Variants in EYS observed in about 807,000 individuals in gnomAD.
EYS encodes protein eyes shut homolog.
EYS carries 250 observed loss-of-function variants against 282.1 expected under a neutral mutation model. The ratio of observed to expected loss-of-function variants is 0.89; its 90% CI spans 0.80 to 0.98. The LOEUF is 0.98. EYS is among the 50% of genes least tolerant of loss of function. EYS has a pLI of 0.00. For missense variants in EYS, 4,016 were observed against 3,709.0 expected (o/e 1.08, Z -2.15); for synonymous variants, 1,355 against 1,282.9 (o/e 1.06, Z -1.20).
chr6:64,783,626 A>G (rs1467578581), intron 22 of EYS, among the ~76,000 whole-genome samples: 1 of 152,266 alleles, frequency 6.6e-6, no homozygotes, highest in Admixed American at 6.5e-5. Context: ...GTAAATAAAG[A>G]TGGAAATCAG....
rs79624820 is a variant in EYS at position 65,113,689 on chromosome 6, A to C, written c.2024-55962T>G. ...CTTATATTGTTGAATGAAAGAAACAAACGTGGCATCTTTTAGCTGTGTAGG... is the reference window on the plus strand; with the variant it reads ...CTTATATTGTTGAATGAAAGAAACACACGTGGCATCTTTTAGCTGTGTAGG... On this transcript the variant is annotated intron_variant, in intron 12 of 42. Transcript: ENST00000503581. Among the ~76,000 whole-genome samples, 86 of 144,798 alleles carry C rather than the reference A, an allele frequency of 5.9e-4. 1 individual carries two copies. Among genetic ancestry groups the C allele is most frequent in the African/African-American group, 2.3e-3 (84 of 37,266 alleles). 95.0% of individuals were successfully genotyped at this position (144,798 alleles called of 152,430 possible). A position where few individuals can be genotyped will look rare whatever the true frequency, so the allele number is the denominator to read the frequency against.
intron 24 of EYS, among the ~76,000 whole-genome samples, chr6:64,595,725 A>T (rs1227485712): frequency 1.3e-5 from 2 of 152,216 alleles, no homozygotes; most frequent in South Asian, 2.1e-4. Context: ...AATAAATTTA[A>T]CCAAGGAGGT....
chr6:64,323,254 A>G (rs528190700), intron 29 of EYS, among the ~76,000 whole-genome samples: 1 of 152,086 alleles, frequency 6.6e-6, no homozygotes, highest in East Asian at 1.9e-4. Flanking sequence ...ATCCTCATAG[A>G]TTTACCTATT....
At chr6:63,820,052 A>G (rs1771281868) in intron 36 of EYS, among the ~76,000 whole-genome samples, 1 of 152,202 alleles carries the variant, frequency 6.6e-6, no homozygotes, top group African/African-American at 2.4e-5. Flanking sequence ...CATCACAGCC[A>G]TTTCCACATA....
intron 31 of EYS, among the ~76,000 whole-genome samples, chr6:64,097,599 G>A (rs13205166): frequency 6.6e-6 from 1 of 152,154 alleles, no homozygotes; most frequent in Non-Finnish European, 1.5e-5. Context: ...AAGAGGGTTG[G>A]AAAAGCCCAG....
chr6:65,628,312 GA>G (rs1452921900), intron 2 of EYS, among the ~76,000 whole-genome samples: 3 of 152,152 alleles, frequency 2.0e-5, no homozygotes, highest in Non-Finnish European at 2.9e-5. Context: ...ATGGGGATGT[GA>G]AGAACCTTTG....
At chr6:65,107,978 G>C (rs960572346) in intron 12 of EYS, among the ~76,000 whole-genome samples, 1 of 151,928 alleles carries the variant, frequency 6.6e-6, no homozygotes, top group South Asian at 2.1e-4. Context: ...TATAAATCCT[G>C]TAAGATGATG....
intron 12 of EYS, among the ~76,000 whole-genome samples, chr6:65,225,853 A>G (rs2150263466): frequency 6.6e-6 from 1 of 152,224 alleles, no homozygotes; most frequent in East Asian, 1.9e-4. Context: ...TTTGTAATAA[A>G]AACACTCAAG....
chr6:64,950,798 C>CATATATATATAT (rs1171736217), intron 14 of EYS, among the ~76,000 whole-genome samples: 73 of 54,222 alleles, frequency 1.3e-3, no homozygotes, highest in Admixed American at 1.8e-3. Flanking sequence ...TATACATATA[C>CATATATATATAT]ATATATATAT....
intron 11 of EYS, chr6:65,330,285 G>T: frequency 4.2e-6 from 4 of 953,680 alleles, no homozygotes; most frequent in Non-Finnish European, 5.0e-6. Flanking sequence ...ATGTATGAAT[G>T]AATATATTTC....
intron 36 of EYS, among the ~76,000 whole-genome samples, chr6:63,849,782 A>G (rs1772194542): frequency 6.6e-6 from 1 of 152,202 alleles, no homozygotes; most frequent in African/African-American, 2.4e-5. Flanking sequence ...CCAAAGGATC[A>G]AGACACCTTG....
At chr6:64,277,164 C>A (rs1768143630) in intron 30 of EYS, among the ~76,000 whole-genome samples, 1 of 152,044 alleles carries the variant, frequency 6.6e-6, no homozygotes, top group African/African-American at 2.4e-5. Flanking sequence ...ACGTATTGAA[C>A]AAAACACAAA....
At chr6:65,662,731 A>C (rs1224868692) in intron 1 of EYS, among the ~76,000 whole-genome samples, 1 of 152,142 alleles carries the variant, frequency 6.6e-6, no homozygotes, top group Non-Finnish European at 1.5e-5. Flanking sequence ...TAAACACTAA[A>C]ATTTTAAGGT....
rs111433540 is a variant in EYS at position 65,517,870 on chromosome 6, C to G, written c.-332-21877G>C. On this transcript the variant is annotated intron_variant, in intron 2 of 42. Transcript: ENST00000503581. Reference sequence around the variant, plus strand: ...AGTTTGAGGCAGGATAGTAAAAATTCAACTCCAAACACGTTCTATGTGTAA... The same window carrying G: ...AGTTTGAGGCAGGATAGTAAAAATTGAACTCCAAACACGTTCTATGTGTAA... Among the ~76,000 whole-genome samples, 881 of 151,996 alleles carry G rather than the reference C, an allele frequency of 5.8e-3. 14 individuals carry two copies. Among genetic ancestry groups the G allele is most frequent in the African/African-American group, 0.02 (835 of 41,492 alleles).
At chr6:64,815,690 A>G (rs1194801237) in intron 21 of EYS, among the ~76,000 whole-genome samples, 1 of 152,086 alleles carries the variant, frequency 6.6e-6, no homozygotes, top group African/African-American at 2.4e-5. Context: ...AAGTAATTTC[A>G]GAAAATAAAA....
chr6:63,913,600 G>C (rs1764336250), intron 35 of EYS, among the ~76,000 whole-genome samples: 1 of 152,110 alleles, frequency 6.6e-6, no homozygotes, highest in Non-Finnish European at 1.5e-5. Flanking sequence ...AAAAATGTTT[G>C]GCATATTTCG....
At chr6:64,856,942 T>C (rs1264019688) in intron 19 of EYS, among the ~76,000 whole-genome samples, 1 of 152,222 alleles carries the variant, frequency 6.6e-6, no homozygotes, top group Non-Finnish European at 1.5e-5. Flanking sequence ...TCTATAATTC[T>C]TTATGAGTTA....
chr6:64,559,744 A>G (rs557706315), intron 26 of EYS, among the ~76,000 whole-genome samples: 1 of 151,938 alleles, frequency 6.6e-6, no homozygotes, highest in African/African-American at 2.4e-5. Context: ...CATTTTATAT[A>G]CTACTCTTTT....
chr6:64,945,755 A>G, intron 15 of EYS, 38 bp downstream of exon 15: 2 of 1,539,004 alleles, frequency 1.3e-6, no homozygotes, highest in Non-Finnish European at 1.8e-6. Flanking sequence ...GAGCACTCCA[A>G]GTAATTTCAT....
Sources: allele counts gnomAD v4.1 joint callset (sites outside exome capture counted in the v4.1 genomes callset), GRCh38; gene constraint gnomAD v4.1.1; transcripts MANE v1.5; gene names NCBI Gene and HGNC (gene_info 2026-07-23, HGNC 2026-07-21).